Variants in FARSB observed in about 807,000 individuals in gnomAD.
The protein encoded by FARSB is phenylalanine--tRNA ligase beta subunit.
In FARSB, 40 loss-of-function variants were observed where a neutral mutation model predicts 69.6. That is an observed-to-expected ratio of 0.57 (90% CI 0.45 to 0.75). The LOEUF (loss-of-function observed/expected upper bound fraction) is 0.75, where lower values mean the gene tolerates loss of function less well. Among genes scored for constraint, FARSB ranks in the 30% least tolerant of loss-of-function variants. The pLI is 0.00. For missense variants in FARSB, 632 were observed against 722.9 expected, an observed-to-expected ratio of 0.87 and a Z score of 1.44; for synonymous variants, 235 against 247.2, an observed-to-expected ratio of 0.95 and a Z score of 0.46.
chr2:222,617,857 T>C (rs1691036825), intron 14 of FARSB, among the ~76,000 whole-genome samples: 1 of 152,208 alleles, frequency 6.6e-6, no homozygotes, highest in Admixed American at 6.5e-5. Context: ...CACTTCAGCC[T>C]GGGCAAGAGA....
chr2:222,647,376 G>T (rs1360522280), intron 2 of FARSB, among the ~76,000 whole-genome samples: 1 of 152,152 alleles, frequency 6.6e-6, no homozygotes, highest in Non-Finnish European at 1.5e-5. Context: ...GCAAGGCCTA[G>T]CTCTCTAGAG....
chr2:222,597,754 C>T (rs10498140), intron 16 of FARSB, among the ~76,000 whole-genome samples: 22,249 of 152,078 alleles, frequency 0.15, 2,554 homozygotes, highest in East Asian at 0.56. Context: ...CTCATTATCA[C>T]TCCTCTACAA....
chr2:222,633,404 C>T (rs1185634394), intron 6 of FARSB, 97 bp from the exon 7 acceptor site: 1 of 600,184 alleles, frequency 1.7e-6, no homozygotes, highest in African/African-American at 2.0e-5. Flanking sequence ...AAGAGAACGC[C>T]AGGTGTGGTG....
chr2:222,644,971 T>A (rs867525935), intron 2 of FARSB, among the ~76,000 whole-genome samples: 1 of 139,358 alleles, frequency 7.2e-6, no homozygotes, highest in African/African-American at 2.7e-5. Context: ...TAAAAAAAGA[T>A]CTAATTCCTT....
intron 1 of FARSB, among the ~76,000 whole-genome samples, chr2:222,655,666 G>T (rs1269074164): frequency 6.6e-6 from 1 of 152,226 alleles, no homozygotes; most frequent in Non-Finnish European, 1.5e-5. Flanking sequence ...AGTTCCCACA[G>T]CGCTGCTATT....
intron 1 of FARSB, among the ~76,000 whole-genome samples, chr2:222,649,127 G>A (rs1414426696): frequency 6.6e-6 from 1 of 151,688 alleles, no homozygotes; most frequent in Non-Finnish European, 1.5e-5. Context: ...TTGGGAGGCT[G>A]AGGCAGGAGA....
intron 8 of FARSB, 135 bp downstream of exon 8, chr2:222,631,469 T>G: frequency 1.5e-6 from 1 of 661,474 alleles, no homozygotes; most frequent in Non-Finnish European, 2.7e-6. Context: ...CTCTATCTTT[T>G]TAATTGTCTA....
chr2:222,629,061 C>T (rs533445340), intron 9 of FARSB, among the ~76,000 whole-genome samples, 173 bp from the exon 10 acceptor site: 5 of 152,254 alleles, frequency 3.3e-5, no homozygotes, highest in Admixed American at 2.6e-4. Flanking sequence ...TAATACTCTA[C>T]TGTTTCATCT....
At chr2:222,574,033 C>T (rs1225626836) in intron 16 of FARSB, among the ~76,000 whole-genome samples, 1 of 152,190 alleles carries the variant, frequency 6.6e-6, no homozygotes, top group Admixed American at 6.5e-5. Flanking sequence ...TTCATTTTTA[C>T]AAGCATAAAA....
At chr2:222,578,379 A>G (rs1418680273) in intron 16 of FARSB, among the ~76,000 whole-genome samples, 1 of 152,252 alleles carries the variant, frequency 6.6e-6, no homozygotes, top group African/African-American at 2.4e-5. Flanking sequence ...CTAATTAAGG[A>G]AAGAATGGAA....
intron 14 of FARSB, among the ~76,000 whole-genome samples, chr2:222,616,222 CAG>C (rs1021124329): frequency 4.5e-4 from 69 of 152,084 alleles, no homozygotes; most frequent in African/African-American, 1.6e-3. Flanking sequence ...TGTAGATTAA[CAG>C]AGACATGAAA....
chr2:222,630,767 T>G (rs1413468806), intron 8 of FARSB, among the ~76,000 whole-genome samples: 1 of 152,208 alleles, frequency 6.6e-6, no homozygotes. Flanking sequence ...TATACAGGCT[T>G]CAGGAAAGAC....
chr2:222,651,675 C>T (rs921818361), intron 1 of FARSB, among the ~76,000 whole-genome samples: 1 of 152,196 alleles, frequency 6.6e-6, no homozygotes, highest in African/African-American at 2.4e-5. Context: ...GGTGGTGTGG[C>T]TTTTGACTAA....
intron 16 of FARSB, among the ~76,000 whole-genome samples, chr2:222,595,222 T>A (rs1690380041): frequency 6.6e-6 from 1 of 152,264 alleles, no homozygotes. Context: ...TAGTCCAGAA[T>A]GTTTTGTATA....
Position 222,656,067 on chromosome 2 carries a change from T to G in FARSB, c.7A>C (p.Thr3Pro), listed in dbSNP as rs576389020. The change falls in exon 1 of 17, where the codon ACT becomes CCT. Residue 3 changes from threonine (T) to proline (P), a missense_variant. Coordinates refer to ENST00000281828, the MANE Select transcript of FARSB (RefSeq NM_005687.5). ...AGCAGATCACGCTTCACGCTGACAG[T>G]CGGCATGGTGTGTCGAACTCACTGC... MP[T>P]VSVKRDLLFQ... 1.3e-6 allele frequency: 2 copies of G among 1,596,568 alleles called. No homozygotes were observed. Among genetic ancestry groups the G allele is most frequent in the African/African-American group, 1.4e-5 (1 of 73,926 alleles).
intron 14 of FARSB, among the ~76,000 whole-genome samples, chr2:222,616,653 T>G (rs1386253285): frequency 6.6e-6 from 1 of 152,088 alleles, no homozygotes; most frequent in Non-Finnish European, 1.5e-5. Context: ...TGTGGTAATA[T>G]TCTGTAAGTT....
At chr2:222,622,533 T>C (rs555482396) in intron 13 of FARSB, among the ~76,000 whole-genome samples, 28 of 152,326 alleles carry the variant, frequency 1.8e-4, no homozygotes, top group Admixed American at 3.9e-4. Context: ...AAAATAAAAA[T>C]ATATTTTTCA....
intron 13 of FARSB, among the ~76,000 whole-genome samples, chr2:222,623,105 A>T (rs1303354949): frequency 6.6e-6 from 1 of 152,190 alleles, no homozygotes; most frequent in Non-Finnish European, 1.5e-5. Flanking sequence ...CAAATTGCAT[A>T]CACATTTTAT....
At chr2:222,617,870 G>A (rs1273626128) in intron 14 of FARSB, among the ~76,000 whole-genome samples, 5 of 152,178 alleles carry the variant, frequency 3.3e-5, no homozygotes, top group Admixed American at 2.0e-4. Flanking sequence ...GCAAGAGAGC[G>A]AAGCTCTGTC....
Sources: gnomAD v4.1 joint callset for allele counts (sites outside exome capture counted in the v4.1 genomes callset) on GRCh38, gnomAD v4.1.1 for gene constraint, MANE v1.5 for transcripts, NCBI Gene and HGNC (gene_info 2026-07-23, HGNC 2026-07-21) for gene names.